Variants in SAMSN1 observed in about 807,000 individuals in gnomAD.
SAMSN1 encodes SAM domain, SH3 domain and nuclear localization signals 1.
SAMSN1 carries 31 observed loss-of-function variants against 42.0 expected under a neutral mutation model. The observed-to-expected ratio is 0.74, with a 90% CI of 0.55 to 1.00. The LOEUF is 1.00. Ranked by LOEUF, SAMSN1 falls within the 50% of genes least tolerant of loss-of-function variation. SAMSN1 has a pLI of 0.00. For missense variants in SAMSN1, 464 were observed against 439.4 expected, an observed-to-expected ratio of 1.06 and a Z score of -0.50; for synonymous variants, 178 against 151.9, an observed-to-expected ratio of 1.17 and a Z score of -1.26.
chr21:14,497,277 A>T (rs1986947902), intron 7 of SAMSN1, among the ~76,000 whole-genome samples: 1 of 152,190 alleles, frequency 6.6e-6, no homozygotes, highest in African/African-American at 2.4e-5. Context: ...CATATGTTTT[A>T]AAAATGTAGT....
intron 3 of SAMSN1, among the ~76,000 whole-genome samples, chr21:14,515,823 A>G (rs971940924): frequency 6.6e-6 from 1 of 152,242 alleles, no homozygotes; most frequent in Non-Finnish European, 1.5e-5. Flanking sequence ...CCCAATTAAA[A>G]ACGAACAATG....
At chr21:14,593,966 G>C (rs1982171233) in intron 7 of SAMSN1, 1 of 713,322 alleles carries the variant, frequency 1.4e-6, no homozygotes, top group Non-Finnish European at 2.6e-6. Flanking sequence ...GTGGAAAAGA[G>C]ATGGGAAATC....
chr21:14,604,019 G>A (rs976546181), intron 5 of SAMSN1, among the ~76,000 whole-genome samples: 13 of 152,148 alleles, frequency 8.5e-5, no homozygotes, highest in African/African-American at 2.4e-5. Context: ...TTCAGCTATA[G>A]AGGTACCATT....
At chr21:14,615,946 C>T (rs774104560) in intron 3 of SAMSN1, 19 of 514,086 alleles carry the variant, frequency 3.7e-5, no homozygotes, top group Non-Finnish European at 3.6e-5. Flanking sequence ...ACTAAGGGAA[C>T]ATGAAGTTTA....
chr21:14,638,111 C>T (rs573010091), intron 2 of SAMSN1, among the ~76,000 whole-genome samples: 7 of 152,208 alleles, frequency 4.6e-5, no homozygotes, highest in East Asian at 3.9e-4. Context: ...TATACATTCC[C>T]GCAAAGCTTG....
intron 2 of SAMSN1, among the ~76,000 whole-genome samples, chr21:14,626,352 G>A (rs147250995): frequency 0.03 from 4,619 of 152,086 alleles, 202 homozygotes; most frequent in African/African-American, 0.1. Flanking sequence ...AACCTATAGA[G>A]TGGGAGAAAA....
chr21:14,515,982 T>C (rs1233748920), intron 3 of SAMSN1, among the ~76,000 whole-genome samples: 1 of 152,222 alleles, frequency 6.6e-6, no homozygotes, highest in East Asian at 1.9e-4. Flanking sequence ...TCCACTAGGA[T>C]GGCTAGTATT....
chr21:14,601,728 G>T (rs9981519), intron 6 of SAMSN1, among the ~76,000 whole-genome samples: 1 of 152,140 alleles, frequency 6.6e-6, no homozygotes, highest in Non-Finnish European at 1.5e-5. Flanking sequence ...CATAGGTCTT[G>T]ACAGGAACAT....
intron 2 of SAMSN1, among the ~76,000 whole-genome samples, chr21:14,638,918 A>G (rs989124183): frequency 6.6e-6 from 1 of 152,186 alleles, no homozygotes; most frequent in Non-Finnish European, 1.5e-5. Context: ...GCTCTCCATT[A>G]TTATTAAGAC....
intron 1 of SAMSN1, among the ~76,000 whole-genome samples, chr21:14,525,095 T>C (rs1171202636): frequency 2.0e-5 from 3 of 152,190 alleles, no homozygotes; most frequent in African/African-American, 7.2e-5. Context: ...CTTCAGCTAA[T>C]CAATTAAAAA....
At chr21:14,615,800 C>T (rs190902425) in intron 3 of SAMSN1, among the ~76,000 whole-genome samples, 2 of 137,918 alleles carry the variant, frequency 1.5e-5, no homozygotes, top group African/African-American at 5.4e-5. Context: ...CTTTCCCATG[C>T]ATCAGCATAA....
chr21:14,644,235 G>T (rs1444322406), intron 1 of SAMSN1, among the ~76,000 whole-genome samples: 1 of 152,070 alleles, frequency 6.6e-6, no homozygotes, highest in East Asian at 1.9e-4. Context: ...ACCCTAGGCT[G>T]CATATCTTGA....
In SAMSN1 at chr21:14,504,037, A is replaced by T. The variant is rs904367961; in HGVS notation, c.562-3302T>A. Among the ~76,000 whole-genome samples, 5 of 152,192 alleles carry T rather than the reference A, an allele frequency of 3.3e-5. No homozygotes were observed. The East Asian group carries it at 9.6e-4, about 29-fold the overall frequency. On this transcript the variant is annotated intron_variant, in intron 5 of 7. Coordinates refer to ENST00000400566, the MANE Select transcript of SAMSN1 (RefSeq NM_022136.5). ...TTACAGATTGCTCTCAGGAAGCCTC[A>T]TCCATAGGAAGAGGGGGAGAGTACT...
intron 2 of SAMSN1, among the ~76,000 whole-genome samples, chr21:14,575,647 T>C (rs1284540087): frequency 2.0e-5 from 3 of 152,224 alleles, no homozygotes; most frequent in Non-Finnish European, 4.4e-5. Context: ...ATAGTCTACC[T>C]TCTTCCGGGT....
At chr21:14,550,457 T>G (rs1000365105), upstream of SAMSN1, among the ~76,000 whole-genome samples, 6 of 152,052 alleles carry the variant, frequency 3.9e-5, no homozygotes, top group African/African-American at 1.4e-4. Flanking sequence ...CTGATTCTAT[T>G]AACAGGAAGT....
chr21:14,514,083 G>C (rs964767399), intron 3 of SAMSN1, among the ~76,000 whole-genome samples: 2 of 152,118 alleles, frequency 1.3e-5, no homozygotes, highest in South Asian at 2.1e-4. Context: ...TAGGGGTATT[G>C]TTTGAGCCCA....
At chr21:14,545,607 G>A (rs1361451262) in intron 1 of SAMSN1, among the ~76,000 whole-genome samples, 2 of 151,712 alleles carry the variant, frequency 1.3e-5, no homozygotes, top group African/African-American at 4.8e-5. Flanking sequence ...TTACCAATTT[G>A]TCAAGTCTAC....
At chr21:14,513,641 G>A (rs565434621) in intron 3 of SAMSN1, among the ~76,000 whole-genome samples, 2 of 152,290 alleles carry the variant, frequency 1.3e-5, no homozygotes, top group East Asian at 3.9e-4. Context: ...ATTTGTTGCT[G>A]AGGTTAGGGT....
intron 2 of SAMSN1, among the ~76,000 whole-genome samples, chr21:14,551,358 C>G (rs749110026): frequency 1.3e-5 from 2 of 152,064 alleles, no homozygotes; most frequent in Non-Finnish European, 2.9e-5. Context: ...CAGGATAAAA[C>G]TGCCTTGAAG....
Sources: gnomAD v4.1 joint callset for allele counts (sites outside exome capture counted in the v4.1 genomes callset) on GRCh38, gnomAD v4.1.1 for gene constraint, MANE v1.5 for transcripts, NCBI Gene and HGNC (gene_info 2026-07-23, HGNC 2026-07-21) for gene names.